The following NDUFAF7 variants were observed in gnomAD, a reference collection of about 807,000 sequenced individuals.
The protein encoded by NDUFAF7 is NADH:ubiquinone oxidoreductase complex assembly factor 7, also known as protein arginine methyltransferase NDUFAF7, mitochondrial.
Under a neutral mutation model 47.2 loss-of-function variants are expected in NDUFAF7, and 48 were observed. The observed-to-expected ratio is 1.02, with a 90% CI of 0.81 to 1.29. The LOEUF is 1.29. Among genes scored for constraint, NDUFAF7 ranks in the 50% most tolerant of loss-of-function variants. The pLI, the probability that NDUFAF7 is intolerant of heterozygous loss-of-function variation, is 0.00. For missense variants in NDUFAF7, 635 were observed against 537.6 expected, an observed-to-expected ratio of 1.18 and a Z score of -1.79; for synonymous variants, 217 against 190.0, an observed-to-expected ratio of 1.14 and a Z score of -1.17.
intron 2 of NDUFAF7, 95 bp downstream of exon 2, chr2:37,232,361 G>GT (rs1253693746): frequency 6.6e-7 from 1 of 1,512,686 alleles, no homozygotes. Flanking sequence ...AGCCCAGGCA[G>GT]TGGGGGTGCC....
At chr2:37,232,392 C>G in intron 2 of NDUFAF7, 126 bp downstream of exon 2, 2 of 1,229,540 alleles carry the variant, frequency 1.6e-6, no homozygotes, top group South Asian at 1.2e-5. Flanking sequence ...AGAGCCATTT[C>G]TGAGGACCTG....
the NDUFAF7 span, among the ~76,000 whole-genome samples, chr2:37,266,563 T>C: frequency 6.6e-6 from 1 of 151,416 alleles, no homozygotes; most frequent in Admixed American, 6.6e-5. Flanking sequence ...CTTGGCTAAC[T>C]GCAGCCTCCA....
the NDUFAF7 span, chr2:37,268,819 T>C: frequency 0.17 from 25,737 of 154,074 alleles, 2,674 homozygotes; most frequent in East Asian, 0.35. Flanking sequence ...AGGGATAAAT[T>C]ACAGCAGCCT....
At chr2:37,257,662 G>A (rs1668071047), downstream of NDUFAF7, among the ~76,000 whole-genome samples, 1 of 72,978 alleles carries the variant, frequency 1.4e-5, no homozygotes, top group Admixed American at 2.6e-4. Context: ...TGAAGACTCT[G>A]TCTCAAAAGA....
At chr2:37,257,671 G>GAAAA (rs1164110574), downstream of NDUFAF7, among the ~76,000 whole-genome samples, 2 of 28,540 alleles carry the variant, frequency 7.0e-5, no homozygotes, top group African/African-American at 1.5e-4. Context: ...TGTCTCAAAA[G>GAAAA]AAAAAAAAAA....
chr2:37,260,439 A>G, the NDUFAF7 span: 2 of 1,471,864 alleles, frequency 1.4e-6, no homozygotes, highest in Non-Finnish European at 1.9e-6. Context: ...CAGTTTTACT[A>G]ATATCTAGAT....
rs1337696438 is a variant in NDUFAF7, at chr2:37,237,648, A to G, written c.298-109A>G. 2.7e-5 allele frequency: 21 copies of G among 768,026 alleles called. No individual in the cohort carries two copies. The Admixed American group carries it at 3.4e-4, about 12-fold the overall frequency. 47.6% of individuals were successfully genotyped at this position (768,026 alleles called of 1,614,324 possible). On this transcript the variant is annotated intron_variant, in intron 3 of 9. Transcript: ENST00000002125. ...TTGAACAACATACATATGGCTGTAC[A>G]CATTTTGCTTTTTGGCATATAGTGC...
chr2:37,271,252 G>A, the NDUFAF7 span, among the ~76,000 whole-genome samples: 2 of 152,006 alleles, frequency 1.3e-5, no homozygotes, highest in African/African-American at 4.8e-5. Context: ...CCAGGGGTTA[G>A]CAAACTCCAG....
At chr2:37,270,132 CA>C in the NDUFAF7 span, among the ~76,000 whole-genome samples, 3 of 151,878 alleles carry the variant, frequency 2.0e-5, no homozygotes, top group Non-Finnish European at 4.4e-5. Flanking sequence ...GAGGCTGAGG[CA>C]GGAGAATCGC....
At chr2:37,259,594 G>A in the NDUFAF7 span, 10 of 1,609,196 alleles carry the variant, frequency 6.2e-6, no homozygotes, top group Admixed American at 1.7e-4. Context: ...TGAGGAAATG[G>A]CTCTGCTGAT....
chr2:37,247,519 G>C lies in NDUFAF7; in HGVS notation c.1000G>C (p.Asp334His). Residue 334 changes from aspartate (D) to histidine (H), a missense_variant, in exon 9 of 10, where the codon GAT becomes CAT. Transcript: ENST00000002125. Reference protein sequence around the residue: ...IAPGTADLTADVDFSYLRRMA... With the variant: ...IAPGTADLTAHVDFSYLRRMA... The stretch of plus-strand genomic sequence containing the variant: ...CCCAGGAACAGCAGATCTAACAGCT[G>C]ATGTGGACTTCAGTTATTTGCGAAG... 9 of 1,614,094 alleles carry C rather than the reference G, an allele frequency of 5.6e-6. No individual in the cohort carries two copies. The highest frequency in any genetic ancestry group is 7.6e-6 in the Non-Finnish European group (9 of 1,179,988).
At chr2:37,240,583 A>G (rs1406379347) in intron 4 of NDUFAF7, among the ~76,000 whole-genome samples, 1 of 152,146 alleles carries the variant, frequency 6.6e-6, no homozygotes, top group Non-Finnish European at 1.5e-5. Flanking sequence ...CACGAATTTA[A>G]ATTTCCAGGG....
chr2:37,240,662 C>T (rs1666251515), intron 4 of NDUFAF7, among the ~76,000 whole-genome samples: 2 of 152,162 alleles, frequency 1.3e-5, no homozygotes, highest in African/African-American at 4.8e-5. Flanking sequence ...AAATCATATT[C>T]TCTTGTTCAA....
chr2:37,241,842 A>G, intron 5 of NDUFAF7, 51 bp downstream of exon 5: 1 of 1,512,218 alleles, frequency 6.6e-7, no homozygotes. Flanking sequence ...CAACCCTCAC[A>G]GTATTGATGG....
intron 4 of NDUFAF7, 100 bp from the exon 5 acceptor site, chr2:37,241,478 T>C: frequency 2.0e-6 from 2 of 996,662 alleles, no homozygotes; most frequent in Non-Finnish European, 3.1e-6. Context: ...CTCTGAAATA[T>C]TACCTCTATT....
chr2:37,268,609 G>C, the NDUFAF7 span: 2 of 258,280 alleles, frequency 7.7e-6, no homozygotes, highest in Non-Finnish European at 1.5e-5. Context: ...GTTTTTATTT[G>C]ATGGAGAAAT....
intron 4 of NDUFAF7, 114 bp downstream of exon 4, chr2:37,237,981 C>G (rs1665967316): frequency 1.3e-6 from 1 of 781,840 alleles, no homozygotes; most frequent in East Asian, 2.7e-5. Flanking sequence ...TATTTCTCAG[C>G]TAAAATATAA....
intron 2 of NDUFAF7, among the ~76,000 whole-genome samples, chr2:37,233,531 A>T (rs1464350595): frequency 1.3e-5 from 2 of 151,400 alleles, no homozygotes; most frequent in African/African-American, 2.4e-5. Context: ...AGGAGGCAGG[A>T]GAATCGCTTG....
intron 7 of NDUFAF7, 89 bp from the exon 8 acceptor site, chr2:37,245,961 GAA>G: frequency 7.2e-7 from 1 of 1,384,622 alleles, no homozygotes; most frequent in Non-Finnish European, 1.0e-6. Context: ...TTAAAACTAA[GAA>G]ATGCTCATTG....
Sources: gnomAD v4.1 joint callset for allele counts (sites outside exome capture counted in the v4.1 genomes callset) on GRCh38, gnomAD v4.1.1 for gene constraint, MANE v1.5 for transcripts, NCBI Gene and HGNC (gene_info 2026-07-23, HGNC 2026-07-21) for gene names.